GPATCH2: variants seen among roughly 807,000 people sequenced by gnomAD.
GPATCH2 encodes the protein G patch domain-containing protein 2.
GPATCH2 carries 51 observed loss-of-function variants against 58.0 expected under a neutral mutation model. That is an observed-to-expected ratio of 0.88 (90% CI 0.70 to 1.11). The LOEUF is 1.11. Ranked by LOEUF, GPATCH2 falls within the 50% of genes most tolerant of loss-of-function variation. The pLI, the probability that GPATCH2 is intolerant of heterozygous loss-of-function variation, is 0.00. For missense variants in GPATCH2, 625 were observed against 652.2 expected, an observed-to-expected ratio of 0.96 and a Z score of 0.45; for synonymous variants, 222 against 218.5, an observed-to-expected ratio of 1.02 and a Z score of -0.14.
chr1:217,526,896 T>C (rs1663932701), intron 5 of GPATCH2, among the ~76,000 whole-genome samples: 2 of 152,170 alleles, frequency 1.3e-5, no homozygotes, highest in Non-Finnish European at 2.9e-5. Context: ...ATCCCAATTG[T>C]GAATTGTGCC....
chr1:217,531,725 G>A (rs1418727927), intron 5 of GPATCH2, among the ~76,000 whole-genome samples: 1 of 152,068 alleles, frequency 6.6e-6, no homozygotes. Context: ...GAGGAAAAAA[G>A]AATACAAGAA....
At chr1:217,567,559 G>C (rs1377412670) in intron 5 of GPATCH2, among the ~76,000 whole-genome samples, 1 of 152,140 alleles carries the variant, frequency 6.6e-6, no homozygotes, top group Non-Finnish European at 1.5e-5. Context: ...CCTTATATCT[G>C]ATTTGCTTTA....
chr1:217,559,873 GGAGAGA>G (rs59474147), intron 5 of GPATCH2, among the ~76,000 whole-genome samples: 3,991 of 143,102 alleles, frequency 0.028, 182 homozygotes, highest in African/African-American at 0.096. Flanking sequence ...AAATCCAGAG[GGAGAGA>G]GAGAGAGAGA....
intron 9 of GPATCH2, among the ~76,000 whole-genome samples, chr1:217,433,386 T>TATA (rs1558388568): frequency 0.036 from 1,019 of 28,360 alleles, 4 homozygotes; most frequent in African/African-American, 0.067. Flanking sequence ...ATATATATAT[T>TATA]TATTTATTTA....
At chr1:217,493,673 G>A (rs1410567553) in intron 7 of GPATCH2, among the ~76,000 whole-genome samples, 6 of 151,960 alleles carry the variant, frequency 3.9e-5, no homozygotes, top group African/African-American at 1.2e-4. Context: ...GAAACACTTC[G>A]TACCATGAAC....
intron 9 of GPATCH2, among the ~76,000 whole-genome samples, chr1:217,437,968 C>T (rs1015994925): frequency 6.6e-6 from 1 of 152,190 alleles, no homozygotes; most frequent in Non-Finnish European, 1.5e-5. Flanking sequence ...GGTCGACAGA[C>T]ACCTCATACA....
chr1:217,598,219 C>A (rs1285602039), intron 5 of GPATCH2, among the ~76,000 whole-genome samples: 3 of 151,894 alleles, frequency 2.0e-5, no homozygotes, highest in Non-Finnish European at 2.9e-5. Flanking sequence ...AACCCTGACT[C>A]TACTAAAAAT....
chr1:217,568,517 AG>A (rs1558491207), intron 5 of GPATCH2, among the ~76,000 whole-genome samples: 1 of 152,166 alleles, frequency 6.6e-6, no homozygotes, highest in Non-Finnish European at 1.5e-5. Flanking sequence ...TACTGGGGCA[AG>A]GGGGTTACAG....
rs544999174 is a variant in GPATCH2 at position 217,471,769 on chromosome 1, A to C, written c.1277+19911T>G. On this transcript the variant is annotated intron_variant, in intron 8 of 9. Transcript: ENST00000366935. ...GCTAATCAGGCAAAATGACAGGAAA[A>C]AAAGTTTCTTTCTTCTCACTATTAA... is the stretch of plus-strand genomic sequence containing the variant. 4.6e-5 allele frequency among the ~76,000 whole-genome samples: 7 copies of C among 152,266 alleles called. No homozygotes were observed. The East Asian group carries it at 1.4e-3, about 29-fold the overall frequency.
chr1:217,491,304 C>T (rs1428562585), intron 8 of GPATCH2, among the ~76,000 whole-genome samples: 1 of 152,074 alleles, frequency 6.6e-6, no homozygotes, highest in African/African-American at 2.4e-5. Context: ...AGTCTTTACT[C>T]ATTTATATGT....
chr1:217,454,341 G>C (rs1015257449), intron 8 of GPATCH2, among the ~76,000 whole-genome samples: 10 of 152,154 alleles, frequency 6.6e-5, no homozygotes, highest in African/African-American at 2.2e-4. Context: ...TGTAATCCCA[G>C]CACCTTGGGA....
intron 5 of GPATCH2, among the ~76,000 whole-genome samples, chr1:217,535,479 AG>A (rs1379887435): frequency 1.3e-5 from 2 of 152,126 alleles, no homozygotes; most frequent in African/African-American, 4.8e-5. Flanking sequence ...CCTCCACAGT[AG>A]GTGGGACTAC....
At chr1:217,457,807 T>G (rs1660012334) in intron 8 of GPATCH2, among the ~76,000 whole-genome samples, 1 of 152,180 alleles carries the variant, frequency 6.6e-6, no homozygotes, top group African/African-American at 2.4e-5. Context: ...AATGAAACAC[T>G]CATTTTCATT....
chr1:217,429,907 C>G lies in GPATCH2; in HGVS notation c.*1238G>C, dbSNP rs1259334234. On this transcript the variant is annotated 3_prime_UTR_variant, in exon 10 of 10. Transcript: ENST00000366935. ...TTAAAAACCCATTAGAAAGGTGATTCACATGTGTTATCTCAGTCTTTACTC... is the reference window on the plus strand; with the variant it reads ...TTAAAAACCCATTAGAAAGGTGATTGACATGTGTTATCTCAGTCTTTACTC... The G allele has an allele frequency of 6.6e-6, 1 of 150,896 alleles. No homozygotes were observed. Among genetic ancestry groups the G allele is most frequent in the African/African-American group, 2.4e-5 (1 of 41,024 alleles). The allele number at this position is 150,896 out of a possible 1,614,324, so 9.3% of individuals were successfully genotyped here.
At chr1:217,455,818 T>C (rs1006019649) in intron 8 of GPATCH2, among the ~76,000 whole-genome samples, 1 of 151,958 alleles carries the variant, frequency 6.6e-6, no homozygotes, top group Non-Finnish European at 1.5e-5. Context: ...CCCTATCCTG[T>C]ACCCATATAA....
At chr1:217,434,018 C>T (rs1364192856) in intron 9 of GPATCH2, among the ~76,000 whole-genome samples, 2 of 152,164 alleles carry the variant, frequency 1.3e-5, no homozygotes, top group Non-Finnish European at 2.9e-5. Context: ...AAGAAGAAGA[C>T]TACATCATTG....
rs987860098 is a variant in GPATCH2, at chr1:217,511,769, C to T, written c.1166+3053G>A. ...TGGAGTCAGTTTTAAAGCAGATAGGCAGGTCAGTCCCTAGAAGGGCATCAA... is the reference window on the plus strand; with the variant it reads ...TGGAGTCAGTTTTAAAGCAGATAGGTAGGTCAGTCCCTAGAAGGGCATCAA... On this transcript the variant is annotated intron_variant, in intron 6 of 9. Coordinates refer to ENST00000366935, the MANE Select transcript of GPATCH2 (RefSeq NM_018040.5). Among the ~76,000 whole-genome samples the T allele has an allele frequency of 8.5e-5, 13 of 152,122 alleles. No homozygotes were observed. In the East Asian group the frequency reaches 2.3e-3, roughly 27 times the overall value.
intron 8 of GPATCH2, among the ~76,000 whole-genome samples, chr1:217,462,513 C>A (rs79423972): frequency 0.039 from 5,704 of 148,004 alleles, 364 homozygotes; most frequent in African/African-American, 0.14. Context: ...GACTAAAAAA[C>A]AAAAAAAAGA....
rs1571840409 is a variant in GPATCH2 at position 217,514,682 on chromosome 1, C to T, written c.1166+140G>A. On this transcript the variant is annotated intron_variant, in intron 6 of 9. Coordinates refer to ENST00000366935, the MANE Select transcript of GPATCH2 (RefSeq NM_018040.5). ...ATGGTTTTCGTTTAAGTTGTTCTTA[C>T]ATTATTATCAATGGTAAATTATACT... The T allele has an allele frequency of 6.4e-6, 3 of 470,400 alleles. No individual in the cohort carries two copies. The East Asian group carries it at 9.1e-5, about 14-fold the overall frequency. 29.1% of individuals were successfully genotyped at this position (470,400 alleles called of 1,614,324 possible).
Sources: gnomAD v4.1 joint callset for allele counts (sites outside exome capture counted in the v4.1 genomes callset) on GRCh38, gnomAD v4.1.1 for gene constraint, MANE v1.5 for transcripts, NCBI Gene and HGNC (gene_info 2026-07-23, HGNC 2026-07-21) for gene names.